The following EPB41L2 variants were observed in gnomAD, a reference collection of about 807,000 sequenced individuals.
EPB41L2 encodes band 4.1-like protein 2.
In EPB41L2, 43 loss-of-function variants were observed where a neutral mutation model predicts 113.0. That is an observed-to-expected ratio of 0.38 (90% CI 0.30 to 0.49). The LOEUF is 0.49. EPB41L2 is among the 20% of genes least tolerant of loss of function. The probability of loss-of-function intolerance (pLI) is 0.95; values close to 1 mark genes in which losing one functional copy is unlikely to be tolerated. For synonymous variants in EPB41L2, 442 were observed against 436.7 expected (o/e 1.01, Z -0.15); for missense variants, 1,147 against 1,223.4 (o/e 0.94, Z 0.93).
At chr6:130,957,119 T>C (rs938676840) in intron 1 of EPB41L2, among the ~76,000 whole-genome samples, 2 of 152,172 alleles carry the variant, frequency 1.3e-5, no homozygotes, top group Non-Finnish European at 2.9e-5. Flanking sequence ...AAGTTAATCT[T>C]GGAAAAGGTA....
chr6:130,932,209 T>A (rs1307588216), intron 3 of EPB41L2, among the ~76,000 whole-genome samples: 1 of 152,156 alleles, frequency 6.6e-6, no homozygotes, highest in Non-Finnish European at 1.5e-5. Context: ...TTTTTCAGTC[T>A]GATTTCTGAA....
intron 10 of EPB41L2, among the ~76,000 whole-genome samples, chr6:130,890,785 A>C (rs577483574): frequency 6.6e-6 from 1 of 152,310 alleles, no homozygotes; most frequent in African/African-American, 2.4e-5. Context: ...CACATGTCTG[A>C]ATTTTTGCTT....
At chr6:130,890,113 C>T (rs1257773847) in intron 11 of EPB41L2, among the ~76,000 whole-genome samples, 181 bp downstream of exon 11, 1 of 151,940 alleles carries the variant, frequency 6.6e-6, no homozygotes, top group African/African-American at 2.4e-5. Context: ...AGAGTAACAA[C>T]TCTAAAACAC....
At chr6:130,876,643 A>C in intron 14 of EPB41L2, 1 of 1,238,940 alleles carries the variant, frequency 8.1e-7, no homozygotes, top group Non-Finnish European at 1.1e-6. Context: ...GGGAAAAAGC[A>C]AGAGTAGATC....
intron 19 of EPB41L2, among the ~76,000 whole-genome samples, chr6:130,855,195 C>G (rs1016221323): frequency 6.6e-6 from 1 of 151,620 alleles, no homozygotes; most frequent in African/African-American, 2.4e-5. Context: ...CTAAAAAATA[C>G]AAAAATTAGC....
chr6:131,004,306 G>A (rs1188314241), intron 1 of EPB41L2, among the ~76,000 whole-genome samples: 2 of 152,158 alleles, frequency 1.3e-5, no homozygotes, highest in Non-Finnish European at 2.9e-5. Flanking sequence ...GAACCTGGGG[G>A]TGTAAGCTCC....
At chr6:130,913,367 C>T (rs74349659) in intron 4 of EPB41L2, among the ~76,000 whole-genome samples, 8,219 of 152,246 alleles carry the variant, frequency 0.054, 409 homozygotes, top group African/African-American at 0.13. Context: ...ACTTCCTCAC[C>T]GCGTTTTCCC....
At chr6:130,933,567 T>C (rs1305431263) in intron 3 of EPB41L2, among the ~76,000 whole-genome samples, 1 of 151,814 alleles carries the variant, frequency 6.6e-6, no homozygotes, top group Non-Finnish European at 1.5e-5. Context: ...AAAACCTATA[T>C]ATTATAGATA....
intron 1 of EPB41L2, among the ~76,000 whole-genome samples, chr6:131,032,637 G>C (rs1268195585): frequency 1.3e-5 from 2 of 151,998 alleles, no homozygotes; most frequent in Non-Finnish European, 2.9e-5. Flanking sequence ...AAAAAATTCT[G>C]TTTACTACAG....
intron 1 of EPB41L2, among the ~76,000 whole-genome samples, chr6:131,050,090 G>A (rs1210571589): frequency 6.6e-6 from 1 of 152,202 alleles, no homozygotes; most frequent in Non-Finnish European, 1.5e-5. Context: ...TGTAATCCCA[G>A]CACTTTGGGA....
At chr6:130,845,345 G>A (rs1200244400) in intron 19 of EPB41L2, among the ~76,000 whole-genome samples, 4 of 151,684 alleles carry the variant, frequency 2.6e-5, no homozygotes, top group Admixed American at 1.3e-4. Context: ...TACATAAGTC[G>A]AAGCAGAGGA....
chr6:130,901,221 T>C (rs758214981), intron 6 of EPB41L2, 41 bp from the exon 7 acceptor site: 10 of 1,574,828 alleles, frequency 6.3e-6, no homozygotes, highest in Admixed American at 1.7e-5. Flanking sequence ...GGGAGAACCA[T>C]TAGGTGAGAT....
Position 130,956,131 on chromosome 6 carries a change from G to C in EPB41L2, c.355C>G (p.Pro119Ala), listed in dbSNP as rs1408468235. 1.2e-6 allele frequency: 2 copies of C among 1,614,052 alleles called. No individual in the cohort carries two copies. The highest frequency in any genetic ancestry group is 2.7e-5 in the African/African-American group (2 of 74,986). Residue 119 changes from proline to alanine, a missense_variant, in exon 2 of 20, where the codon CCA (proline) becomes GCA (alanine). Coordinates refer to ENST00000337057, the MANE Select transcript of EPB41L2 (RefSeq NM_001431.4). ...CCCTTAGCCTGTCTCTGTTCTTCTGGAAGGGGTTCCTCTTTATCTAAGACC... is the reference window on the plus strand; with the variant it reads ...CCCTTAGCCTGTCTCTGTTCTTCTGCAAGGGGTTCCTCTTTATCTAAGACC... ...EQVLDKEEPL[P>A]EEQRQAKGDA...
At chr6:131,016,477 AACACAC>A (rs10584309) in intron 1 of EPB41L2, among the ~76,000 whole-genome samples, 4,744 of 143,466 alleles carry the variant, frequency 0.033, 158 homozygotes, top group African/African-American at 0.075. Flanking sequence ...TTAATAAGGA[AACACAC>A]ACACACACAC....
intron 14 of EPB41L2, among the ~76,000 whole-genome samples, chr6:130,872,798 G>T (rs746340667): frequency 6.6e-6 from 1 of 152,146 alleles, no homozygotes; most frequent in South Asian, 2.1e-4. Flanking sequence ...ATCACCAACT[G>T]AGCACAACCG....
At chr6:130,845,830 G>A (rs145731703) in intron 19 of EPB41L2, among the ~76,000 whole-genome samples, 141 of 152,212 alleles carry the variant, frequency 9.3e-4, no homozygotes, top group African/African-American at 3.2e-3. Context: ...GATGAAATGG[G>A]AAGTATGCAC....
intron 1 of EPB41L2, among the ~76,000 whole-genome samples, chr6:130,960,242 G>A (rs575550457): frequency 6.6e-6 from 1 of 152,214 alleles, no homozygotes; most frequent in South Asian, 2.1e-4. Context: ...AGAGTCCTTG[G>A]CCTAGTACTC....
At position 130,926,686 on chromosome 6, in the gene EPB41L2, T is replaced by C; in HGVS notation, c.729A>G (p.Leu243=). ...TGAGGTGTTCACACACTTTGTCAAA[T>C]AACACTTGTCCCTTGGCATGTTTCT... The part of the protein sequence containing the change: ...DLEKHAKGQV[L]FDKVCEHLNL... Residue 243 remains leucine (L), a synonymous_variant, in exon 4 of 20, where the codon TTA becomes TTG. Transcript: ENST00000337057. 6.2e-7 allele frequency: 1 copy of C among 1,606,966 alleles called. No homozygotes were observed. Among genetic ancestry groups the C allele is most frequent in the Non-Finnish European group, 8.5e-7 (1 of 1,178,320 alleles).
intron 11 of EPB41L2, among the ~76,000 whole-genome samples, chr6:130,887,653 C>T (rs1175793935): frequency 6.6e-6 from 1 of 152,228 alleles, no homozygotes; most frequent in Non-Finnish European, 1.5e-5. Flanking sequence ...GTTGCCGCCT[C>T]TGCTACCTGG....
Sources: allele counts gnomAD v4.1 joint callset (sites outside exome capture counted in the v4.1 genomes callset), GRCh38; gene constraint gnomAD v4.1.1; transcripts MANE v1.5; gene names NCBI Gene and HGNC (gene_info 2026-07-23, HGNC 2026-07-21).